ME1: variants seen among roughly 807,000 people sequenced by gnomAD.
The protein encoded by ME1 is malic enzyme 1.
Under a neutral mutation model 66.4 loss-of-function variants are expected in ME1, and 74 were observed. The observed-to-expected ratio is 1.11, with a 90% CI of 0.92 to 1.35. The LOEUF (loss-of-function observed/expected upper bound fraction) is 1.35, where lower values mean the gene tolerates loss of function less well. Among genes scored for constraint, ME1 ranks in the 40% most tolerant of loss-of-function variants. The probability of loss-of-function intolerance (pLI) is 0.00; values close to 1 mark genes in which losing one functional copy is unlikely to be tolerated. For synonymous variants in ME1, 251 were observed against 235.6 expected (o/e 1.07, Z -0.60); for missense variants, 750 against 694.1 (o/e 1.08, Z -0.90).
In ME1 at chr6:83,416,893, TAAA is replaced by T. The variant is rs34223363; in HGVS notation, c.79-8995_79-8993del. On this transcript the variant is annotated intron_variant, in intron 1 of 13. Coordinates refer to ENST00000369705, the MANE Select transcript of ME1 (RefSeq NM_002395.6). ...GCTGGGTGACAGAGTGAGATTTGTCTAAAAAAAAAAAAAAAAAAGTAGTTTCTG... is the reference window on the plus strand; with the variant it reads ...GCTGGGTGACAGAGTGAGATTTGTCTAAAAAAAAAAAAAAAGTAGTTTCTG... Among the ~76,000 whole-genome samples the T allele has an allele frequency of 2.9e-4, 36 of 123,906 alleles. 1 individual carries two copies. The highest frequency in any genetic ancestry group is 2.4e-4 in the Non-Finnish European group (14 of 59,042). The allele number at this position is 123,906 out of a possible 152,430, so 81.3% of individuals were successfully genotyped here.
intron 3 of ME1, among the ~76,000 whole-genome samples, chr6:83,385,043 T>A (rs987099340): frequency 2.0e-5 from 3 of 151,922 alleles, no homozygotes; most frequent in Admixed American, 2.0e-4. Context: ...AATTGAAGGC[T>A]TAACTATCAA....
At chr6:83,221,790 A>G (rs1790096061) in intron 12 of ME1, among the ~76,000 whole-genome samples, 1 of 152,214 alleles carries the variant, frequency 6.6e-6, no homozygotes, top group Non-Finnish European at 1.5e-5. Flanking sequence ...AATGAATGCT[A>G]GAAAAAAAAC....
At chr6:83,278,516 A>G (rs555035970) in intron 6 of ME1, among the ~76,000 whole-genome samples, 1 of 152,324 alleles carries the variant, frequency 6.6e-6, no homozygotes, top group East Asian at 1.9e-4. Context: ...GTCATAGCTC[A>G]CTGTAACCTA....
chr6:83,420,827 CAGT>C (rs1770249619), intron 1 of ME1, among the ~76,000 whole-genome samples: 1 of 152,168 alleles, frequency 6.6e-6, no homozygotes, highest in Admixed American at 6.5e-5. Context: ...TGATGCAAAA[CAGT>C]ATAACACTCC....
intron 6 of ME1, among the ~76,000 whole-genome samples, chr6:83,269,344 A>T (rs1233574274): frequency 1.3e-5 from 2 of 152,172 alleles, no homozygotes; most frequent in Non-Finnish European, 2.9e-5. Context: ...AGGGATATTA[A>T]TTGTGACATT....
At chr6:83,419,329 C>G (rs1386871951) in intron 1 of ME1, among the ~76,000 whole-genome samples, 1 of 152,164 alleles carries the variant, frequency 6.6e-6, no homozygotes. Context: ...CCAGGCAAAT[C>G]ATAGATGGCT....
chr6:83,430,902 A>T lies in ME1; in HGVS notation c.53T>A (p.Leu18Gln), dbSNP rs762425048. The T allele has an allele frequency of 6.2e-7, 1 of 1,603,382 alleles. No homozygotes were observed. Among genetic ancestry groups the T allele is most frequent in the Non-Finnish European group, 8.5e-7 (1 of 1,175,384 alleles). Residue 18 changes from leucine (L) to glutamine (Q), a missense_variant, in exon 1 of 14, where the codon CTG becomes CAG. Physicochemically the swap from Leu to Gln is moderately radical, Grantham distance 113. Coordinates refer to ENST00000369705, the MANE Select transcript of ME1 (RefSeq NM_002395.6). The stretch of plus-strand genomic sequence containing the variant: ...CTTGTTGAGGTGAGGGTTCCGTGTC[A>T]GCAGGTAGCCGCGCTGATGGGTGTG... Reference protein sequence around the residue: ...RRHTHQRGYLLTRNPHLNKDL... With the variant: ...RRHTHQRGYLQTRNPHLNKDL...
chr6:83,315,174 G>A, intron 6 of ME1, 136 bp downstream of exon 6: 1 of 598,436 alleles, frequency 1.7e-6, no homozygotes, highest in Non-Finnish European at 3.0e-6. Flanking sequence ...CAGTTATGAG[G>A]AAATAGATAG....
At chr6:83,393,839 G>C (rs1032854427) in intron 3 of ME1, among the ~76,000 whole-genome samples, 21 of 152,066 alleles carry the variant, frequency 1.4e-4, no homozygotes, top group African/African-American at 5.1e-4. Context: ...ACATTACCCA[G>C]AGAAGACAGT....
At chr6:83,350,510 G>A (rs538498027) in intron 4 of ME1, among the ~76,000 whole-genome samples, 2 of 152,088 alleles carry the variant, frequency 1.3e-5, no homozygotes, top group Non-Finnish European at 2.9e-5. Context: ...CTGTTGCCCA[G>A]GCTAGAGTGT....
chr6:83,326,006 C>T (rs1197948167), intron 5 of ME1, among the ~76,000 whole-genome samples: 4 of 147,822 alleles, frequency 2.7e-5, no homozygotes, highest in Non-Finnish European at 5.9e-5. Flanking sequence ...AACTATACTA[C>T]AAGGCTACAG....
chr6:83,284,123 T>C (rs956174413), intron 6 of ME1, among the ~76,000 whole-genome samples: 1 of 152,116 alleles, frequency 6.6e-6, no homozygotes, highest in Non-Finnish European at 1.5e-5. Flanking sequence ...GCACATGAAC[T>C]AGAAAATCTA....
At chr6:83,395,510 T>C (rs551752592) in intron 3 of ME1, among the ~76,000 whole-genome samples, 1 of 151,474 alleles carries the variant, frequency 6.6e-6, no homozygotes, top group African/African-American at 2.4e-5. Flanking sequence ...AGAGTCTCGC[T>C]CTGTTACCAG....
intron 3 of ME1, among the ~76,000 whole-genome samples, chr6:83,379,075 T>C (rs1769346485): frequency 6.6e-6 from 1 of 152,106 alleles, no homozygotes; most frequent in Admixed American, 6.6e-5. Context: ...AGTGTAACTT[T>C]TCACATTTTA....
intron 2 of ME1, 138 bp downstream of exon 2, chr6:83,407,630 T>C (rs968240058): frequency 2.4e-6 from 2 of 846,690 alleles, no homozygotes; most frequent in African/African-American, 3.5e-5. Context: ...AAAAACATCA[T>C]TGTGTTTACA....
chr6:83,314,303 G>T (rs923934146), intron 6 of ME1, among the ~76,000 whole-genome samples: 3 of 152,158 alleles, frequency 2.0e-5, no homozygotes, highest in Admixed American at 6.5e-5. Flanking sequence ...TCCAAAATCT[G>T]AAACATTTTG....
At chr6:83,372,090 C>G (rs1769201300) in intron 3 of ME1, among the ~76,000 whole-genome samples, 2 of 152,080 alleles carry the variant, frequency 1.3e-5, no homozygotes, top group Non-Finnish European at 1.5e-5. Context: ...TTATTTTATT[C>G]CAATGACCTA....
At chr6:83,263,824 A>G (rs1044674887) in intron 6 of ME1, among the ~76,000 whole-genome samples, 4 of 99,306 alleles carry the variant, frequency 4.0e-5, no homozygotes, top group African/African-American at 1.7e-4. Flanking sequence ...ATAACATAAC[A>G]TAACATAACA....
chr6:83,402,235 G>T (rs536567172), intron 2 of ME1, among the ~76,000 whole-genome samples: 1 of 152,260 alleles, frequency 6.6e-6, no homozygotes, highest in South Asian at 2.1e-4. Context: ...TCTCCAGGAG[G>T]CTGTATGTGC....
Sources: allele counts gnomAD v4.1 joint callset (sites outside exome capture counted in the v4.1 genomes callset), GRCh38; gene constraint gnomAD v4.1.1; transcripts MANE v1.5; gene names NCBI Gene and HGNC (gene_info 2026-07-23, HGNC 2026-07-21).